Variants in FGF12 observed in about 807,000 individuals in gnomAD.
The protein encoded by FGF12 is fibroblast growth factor 12B.
A neutral mutation model predicts 23.6 loss-of-function variants in FGF12; 14 were observed. The ratio of observed to expected loss-of-function variants is 0.59; its 90% CI spans 0.39 to 0.93. FGF12 has a LOEUF of 0.93. Among genes scored for constraint, FGF12 ranks in the 40% least tolerant of loss-of-function variants. FGF12 has a pLI of 0.00. For missense variants in FGF12, 175 were observed against 217.8 expected (o/e 0.80, Z 1.24); for synonymous variants, 62 against 77.3 (o/e 0.80, Z 1.04).
At position 192,726,975 on chromosome 3, in the gene FGF12, T is replaced by C. The variant is rs1719238364; in HGVS notation, c.13+206A>G. ...ACAGTTCACTACGCAACTGATGGAGTATTAAACACTGTCTTCCAAGCTGTG... is the reference window on the plus strand; with the variant it reads ...ACAGTTCACTACGCAACTGATGGAGCATTAAACACTGTCTTCCAAGCTGTG... On this transcript the variant is annotated intron_variant, in intron 2 of 5. Transcript: ENST00000445105. 5 of 635,392 alleles carry C rather than the reference T, an allele frequency of 7.9e-6. No individual in the cohort carries two copies. In the Admixed American group the frequency reaches 1.0e-4, roughly 13 times the overall value. The allele number at this position is 635,392 out of a possible 1,614,324, so 39.4% of individuals were successfully genotyped here.
intron 4 of FGF12, among the ~76,000 whole-genome samples, chr3:192,300,545 G>C (rs1715283225): frequency 6.6e-6 from 1 of 151,930 alleles, no homozygotes; most frequent in Non-Finnish European, 1.5e-5. Flanking sequence ...GGTCTTTCTT[G>C]GGGGCGGTCA....
At chr3:192,314,640 AAC>A (rs1716135596) in intron 4 of FGF12, among the ~76,000 whole-genome samples, 1 of 152,230 alleles carries the variant, frequency 6.6e-6, no homozygotes, top group South Asian at 2.1e-4. Flanking sequence ...AGGAAATCCA[AAC>A]CTCTGATCCC....
At chr3:192,674,431 A>G (rs1047027410) in intron 2 of FGF12, among the ~76,000 whole-genome samples, 3 of 152,198 alleles carry the variant, frequency 2.0e-5, no homozygotes, top group African/African-American at 7.2e-5. Context: ...AATGACTATG[A>G]ATAGTATGTT....
intron 2 of FGF12, among the ~76,000 whole-genome samples, chr3:192,426,863 G>A (rs1220286432): frequency 6.6e-6 from 1 of 152,166 alleles, no homozygotes; most frequent in Non-Finnish European, 1.5e-5. Context: ...AATTATTTAA[G>A]TAAATAACGG....
chr3:192,493,630 G>A (rs1723865705), intron 2 of FGF12, among the ~76,000 whole-genome samples: 1 of 152,072 alleles, frequency 6.6e-6, no homozygotes, highest in Admixed American at 6.6e-5. Flanking sequence ...CTCGGTTTCT[G>A]GGGAGGCCTC....
intron 4 of FGF12, among the ~76,000 whole-genome samples, chr3:192,209,799 C>G (rs961093092): frequency 6.6e-6 from 1 of 152,148 alleles, no homozygotes; most frequent in African/African-American, 2.4e-5. Flanking sequence ...GAGCTATCTG[C>G]CTCAGGTCAA....
At chr3:192,178,750 G>T (rs1716002315) in intron 4 of FGF12, among the ~76,000 whole-genome samples, 1 of 152,132 alleles carries the variant, frequency 6.6e-6, no homozygotes, top group Non-Finnish European at 1.5e-5. Context: ...CGTCCACCTT[G>T]GCCTCCCAAA....
At chr3:192,679,734 C>T (rs963222716) in intron 2 of FGF12, among the ~76,000 whole-genome samples, 1 of 152,178 alleles carries the variant, frequency 6.6e-6, no homozygotes, top group Non-Finnish European at 1.5e-5. Flanking sequence ...CACCCAAAGG[C>T]CAAACACCTT....
chr3:192,338,203 C>A (rs6805017), intron 3 of FGF12, among the ~76,000 whole-genome samples: 10,584 of 152,112 alleles, frequency 0.07, 488 homozygotes, highest in East Asian at 0.14. Flanking sequence ...CCTGCCTCAG[C>A]CTCCAGAGTA....
chr3:192,469,593 G>A (rs1158554034), intron 2 of FGF12, among the ~76,000 whole-genome samples: 1 of 152,192 alleles, frequency 6.6e-6, no homozygotes, highest in Non-Finnish European at 1.5e-5. Flanking sequence ...AATTGTGTAA[G>A]ATCTAAATTA....
chr3:192,312,852 A>T, intron 4 of FGF12, among the ~76,000 whole-genome samples: 1 of 152,218 alleles, frequency 6.6e-6, no homozygotes, highest in East Asian at 1.9e-4. Flanking sequence ...TTATAGTATT[A>T]ACGTATAGTG....
At chr3:192,539,595 G>A (rs1409199550) in intron 2 of FGF12, among the ~76,000 whole-genome samples, 2 of 152,012 alleles carry the variant, frequency 1.3e-5, no homozygotes, top group African/African-American at 2.4e-5. Flanking sequence ...AGGGATATTG[G>A]CCTATAGTTT....
intron 2 of FGF12, among the ~76,000 whole-genome samples, chr3:192,704,787 T>G (rs1718415664): frequency 6.6e-6 from 1 of 152,246 alleles, no homozygotes; most frequent in South Asian, 2.1e-4. Flanking sequence ...TGTAGCCACC[T>G]TTGTCAATTA....
chr3:192,145,182 T>C (rs2108577875), intron 5 of FGF12, among the ~76,000 whole-genome samples: 1 of 152,360 alleles, frequency 6.6e-6, no homozygotes, highest in Non-Finnish European at 1.5e-5. Context: ...TTTTCATAAA[T>C]GAAAAATTGC....
chr3:192,166,210 A>G lies in FGF12; in HGVS notation c.427+4248T>C, dbSNP rs187893856. Among the ~76,000 whole-genome samples, 24 of 152,282 alleles carry G rather than the reference A, an allele frequency of 1.6e-4. No individual in the cohort carries two copies. The East Asian group carries it at 4.0e-3, about 26-fold the overall frequency. On this transcript the variant is annotated intron_variant, in intron 5 of 5. Transcript: ENST00000445105. ...GGATATAATGTATAACTGCATGGAG[A>G]ATCATAAGGTAATTGTTCACATTTT...
chr3:192,287,960 T>G (rs1192548071), intron 4 of FGF12, among the ~76,000 whole-genome samples: 1 of 152,072 alleles, frequency 6.6e-6, no homozygotes. Flanking sequence ...GTAACTTCCC[T>G]TGATAAACTC....
At chr3:192,305,679 A>AAAATATATATATATATAT (rs1423738741) in intron 4 of FGF12, among the ~76,000 whole-genome samples, 11 of 131,920 alleles carry the variant, frequency 8.3e-5, no homozygotes, top group South Asian at 5.2e-4. Flanking sequence ...AAAAAAAAAA[A>AAAATATATATATATATAT]ATATATATAT....
chr3:192,557,567 G>A (rs1711839629), intron 2 of FGF12, among the ~76,000 whole-genome samples: 2 of 151,832 alleles, frequency 1.3e-5, no homozygotes, highest in Non-Finnish European at 2.9e-5. Context: ...CTAATTTTAT[G>A]AGGACACCAT....
intron 2 of FGF12, among the ~76,000 whole-genome samples, chr3:192,527,782 C>T (rs148550137): frequency 6.6e-6 from 1 of 152,260 alleles, no homozygotes; most frequent in African/African-American, 2.4e-5. Flanking sequence ...CTTATAGTTC[C>T]ACGTGGCTGG....
Sources: allele counts gnomAD v4.1 joint callset (sites outside exome capture counted in the v4.1 genomes callset), GRCh38; gene constraint gnomAD v4.1.1; transcripts MANE v1.5; gene names NCBI Gene and HGNC (gene_info 2026-07-23, HGNC 2026-07-21).